The following VWA3B variants were observed in gnomAD, a reference collection of about 807,000 sequenced individuals.
VWA3B encodes the protein von Willebrand factor A domain-containing protein 3B.
A neutral mutation model predicts 158.3 loss-of-function variants in VWA3B; 138 were observed. The observed-to-expected ratio is 0.87, with a 90% CI of 0.76 to 1.00. The LOEUF is 1.00. VWA3B is among the 50% of genes least tolerant of loss of function. The pLI is 0.00. For synonymous variants in VWA3B, 596 were observed against 587.3 expected (o/e 1.01, Z -0.21); for missense variants, 1,555 against 1,565.1 (o/e 0.99, Z 0.11).
intron 22 of VWA3B, among the ~76,000 whole-genome samples, chr2:98,290,131 T>C (rs904854001): frequency 2.0e-5 from 3 of 152,118 alleles, no homozygotes; most frequent in African/African-American, 7.2e-5. Context: ...ATTGACACAG[T>C]TCATAGGCTG....
intron 9 of VWA3B, among the ~76,000 whole-genome samples, chr2:98,187,268 TC>T (rs1681152776): frequency 6.6e-6 from 1 of 152,122 alleles, no homozygotes; most frequent in Non-Finnish European, 1.5e-5. Context: ...ATTACTGGGC[TC>T]CCCTCCTGCA....
intron 8 of VWA3B, among the ~76,000 whole-genome samples, chr2:98,175,992 G>C (rs1573988888): frequency 6.6e-6 from 1 of 152,322 alleles, no homozygotes; most frequent in African/African-American, 2.4e-5. Flanking sequence ...CAAAGGGCTT[G>C]ACTGCTCAGA....
chr2:98,094,237 T>C (rs987882675), intron 2 of VWA3B, among the ~76,000 whole-genome samples: 2 of 152,212 alleles, frequency 1.3e-5, no homozygotes. Context: ...CCATAATAGC[T>C]ATATTAATTT....
In VWA3B at chr2:98,298,443, TATGCCATGCC is replaced by T. The variant is rs367808602; in HGVS notation, c.3282+430_3282+439del. Among the ~76,000 whole-genome samples the T allele has an allele frequency of 1.6e-4, 19 of 121,682 alleles. No homozygotes were observed. The South Asian group carries it at 3.9e-3, about 25-fold the overall frequency. 79.8% of individuals were successfully genotyped at this position (121,682 alleles called of 152,430 possible). On this transcript the variant is annotated intron_variant, in intron 24 of 27. Transcript: ENST00000477737. ...TATTCTATTCTATTCTATTCTATTCTATGCCATGCCATGCCATGCCATGCCATCCCACCCC... is the reference window on the plus strand; with the variant it reads ...TATTCTATTCTATTCTATTCTATTCTATGCCATGCCATGCCATCCCACCCC...
intron 22 of VWA3B, among the ~76,000 whole-genome samples, chr2:98,282,138 A>G (rs1688913239): frequency 1.3e-5 from 2 of 152,172 alleles, no homozygotes; most frequent in African/African-American, 2.4e-5. Flanking sequence ...TTTCTGGAAC[A>G]AAGTTGTCAA....
chr2:98,280,300 T>C (rs1688794732), intron 22 of VWA3B, among the ~76,000 whole-genome samples: 1 of 152,174 alleles, frequency 6.6e-6, no homozygotes, highest in Non-Finnish European at 1.5e-5. Context: ...TTTTTCTGTT[T>C]GGAATATAGT....
At chr2:98,200,715 T>C (rs1682467231) in intron 12 of VWA3B, among the ~76,000 whole-genome samples, 1 of 152,198 alleles carries the variant, frequency 6.6e-6, no homozygotes, top group South Asian at 2.1e-4. Context: ...CCAAGTTTTC[T>C]TTACGGATTG....
intron 23 of VWA3B, chr2:98,291,452 G>T (rs1015017031): frequency 3.3e-5 from 5 of 152,338 alleles, no homozygotes; most frequent in South Asian, 2.1e-4. Context: ...ATTGATTCTG[G>T]CTGGAACATA....
At chr2:98,285,277 A>G (rs1689098671) in intron 22 of VWA3B, among the ~76,000 whole-genome samples, 1 of 152,196 alleles carries the variant, frequency 6.6e-6, no homozygotes, top group Non-Finnish European at 1.5e-5. Context: ...TTTTATAAAT[A>G]AACGGCTGGA....
At chr2:98,276,614 G>GCCTGCTCCAGGGTGCGTT (rs1688538897) in intron 22 of VWA3B, among the ~76,000 whole-genome samples, 1 of 152,016 alleles carries the variant, frequency 6.6e-6, no homozygotes, top group African/African-American at 2.4e-5. Context: ...ACTGCGTTTG[G>GCCTGCTCCAGGGTGCGTT]AGTGGGCTGC....
At chr2:98,136,945 C>G (rs1370922369) in intron 7 of VWA3B, among the ~76,000 whole-genome samples, 4 of 152,168 alleles carry the variant, frequency 2.6e-5, no homozygotes, top group African/African-American at 4.8e-5. Context: ...AGCGTAATGT[C>G]CTCAAGCTTC....
At chr2:98,295,431 C>G (rs1689743310) in intron 23 of VWA3B, among the ~76,000 whole-genome samples, 1 of 152,218 alleles carries the variant, frequency 6.6e-6, no homozygotes, top group Admixed American at 6.5e-5. Flanking sequence ...TCTCTGACCC[C>G]TGAGCACCCG....
intron 15 of VWA3B, among the ~76,000 whole-genome samples, chr2:98,229,317 G>T (rs1420629024): frequency 6.6e-6 from 1 of 152,240 alleles, no homozygotes; most frequent in Non-Finnish European, 1.5e-5. Context: ...CTGCTGTGGG[G>T]GGCACAGTGC....
chr2:98,100,059 C>G (rs1682976121), intron 2 of VWA3B, among the ~76,000 whole-genome samples: 1 of 152,138 alleles, frequency 6.6e-6, no homozygotes, highest in African/African-American at 2.4e-5. Context: ...TCATACATTT[C>G]CATATTTGTA....
At chr2:98,317,313 C>A (rs1300758046), downstream of VWA3B, among the ~76,000 whole-genome samples, 1 of 148,842 alleles carries the variant, frequency 6.7e-6, no homozygotes, top group Non-Finnish European at 1.5e-5. Flanking sequence ...AAGTGGTAAA[C>A]CAAAAATAAA....
intron 12 of VWA3B, chr2:98,207,426 T>C (rs1229981837): frequency 6.3e-6 from 3 of 473,804 alleles, no homozygotes. Context: ...AGATTCTGCA[T>C]GGCTACAAAT....
intron 23 of VWA3B, 41 bp from the exon 24 acceptor site, chr2:98,297,866 T>C (rs377508340): frequency 1.6e-5 from 23 of 1,454,906 alleles, no homozygotes; most frequent in South Asian, 9.0e-5. Flanking sequence ...GAAGGGATGT[T>C]ATTTGTCTTT....
chr2:98,315,874 CAG>C (rs1284729729), downstream of VWA3B, among the ~76,000 whole-genome samples: 1 of 152,194 alleles, frequency 6.6e-6, no homozygotes, highest in East Asian at 1.9e-4. Context: ...ATTTAATACA[CAG>C]AAATCGATAT....
chr2:98,288,921 C>T (rs1205919483), intron 22 of VWA3B, among the ~76,000 whole-genome samples: 1 of 152,098 alleles, frequency 6.6e-6, no homozygotes, highest in Admixed American at 6.5e-5. Context: ...CTTAAACCAT[C>T]GTGTTGTCAA....
Sources: allele counts gnomAD v4.1 joint callset (sites outside exome capture counted in the v4.1 genomes callset), GRCh38; gene constraint gnomAD v4.1.1; transcripts MANE v1.5; gene names NCBI Gene and HGNC (gene_info 2026-07-23, HGNC 2026-07-21).